The following CCZ1 variants were observed in gnomAD, a reference collection of about 807,000 sequenced individuals.
CCZ1 encodes the protein vacuolar fusion protein CCZ1 homolog.
In CCZ1, 19 loss-of-function variants were observed where a neutral mutation model predicts 57.8. That is an observed-to-expected ratio of 0.33 (90% CI 0.23 to 0.48). CCZ1 has a LOEUF of 0.48. Among genes scored for constraint, CCZ1 ranks in the 20% least tolerant of loss-of-function variants. CCZ1 has a pLI of 0.99. For synonymous variants in CCZ1, 81 were observed against 167.0 expected (o/e 0.49, Z 3.97); for missense variants, 200 against 492.0 (o/e 0.41, Z 5.61).
intron 4 of CCZ1, chr7:5,901,427 G>A: frequency 1.7e-6 from 1 of 601,450 alleles, no homozygotes; most frequent in Non-Finnish European, 2.4e-6. Flanking sequence ...AAATGTTGCA[G>A]TGAGCCAAGA....
chr7:5,907,245 C>T (rs145424689), intron 7 of CCZ1, among the ~76,000 whole-genome samples: 4,676 of 149,556 alleles, frequency 0.031, 238 homozygotes, highest in Non-Finnish European at 0.045. Flanking sequence ...GTGATATGTA[C>T]ACAATGTTAC....
At chr7:5,904,373 G>A (rs1467921982) in intron 6 of CCZ1, among the ~76,000 whole-genome samples, 7 of 145,340 alleles carry the variant, frequency 4.8e-5, no homozygotes, top group Non-Finnish European at 8.9e-5. Flanking sequence ...GGCGCGAGCC[G>A]CTGTGCCTGG....
intron 3 of CCZ1, 41 bp from the exon 4 acceptor site, chr7:5,900,814 A>C (rs772649864): frequency 2.0e-6 from 3 of 1,475,768 alleles, no homozygotes; most frequent in Non-Finnish European, 2.7e-6. Flanking sequence ...AACATGGTCT[A>C]ATGAATTCAT....
chr7:5,905,252 T>C lies in CCZ1; in HGVS notation c.681T>C (p.Tyr227=), dbSNP rs568521509. Residue 227 remains tyrosine (Y), a synonymous_variant, in exon 7 of 15, where the codon TAT becomes TAC. Coordinates refer to ENST00000325974, the MANE Select transcript of CCZ1 (RefSeq NM_015622.6). ...TAGTCAAATACACTGCTTTTCTCTATAACGATCAGCTCATCTGGTAGGTAC... is the reference window on the plus strand; with the variant it reads ...TAGTCAAATACACTGCTTTTCTCTACAACGATCAGCTCATCTGGTAGGTAC... ...LNIVKYTAFL[Y]NDQLIWSGLE... The C allele has an allele frequency of 1.1e-5, 17 of 1,533,484 alleles. 1 individual carries two copies. In the East Asian group the frequency reaches 4.1e-4, roughly 37 times the overall value. 95.0% of individuals were successfully genotyped at this position (1,533,484 alleles called of 1,614,324 possible).
intron 7 of CCZ1, among the ~76,000 whole-genome samples, chr7:5,908,094 C>T (rs1781877733): frequency 7.1e-6 from 1 of 141,390 alleles, no homozygotes; most frequent in African/African-American, 2.7e-5. Context: ...GGTGACAGAG[C>T]AAGACCCTGT....
rs750487480 is a variant in CCZ1, at chr7:5,900,889, A to C, written c.347A>C (p.Lys116Thr). 1 of 1,458,442 alleles carries C rather than the reference A, an allele frequency of 6.9e-7. No homozygotes were observed. The allele number at this position is 1,458,442 out of a possible 1,614,324, so 90.3% of individuals were successfully genotyped here. A position where few individuals can be genotyped will look rare whatever the true frequency, so the allele number is the denominator to read the frequency against. The change falls in exon 4 of 15, where the codon AAA becomes ACA. Residue 116 changes from lysine (K) to threonine (T), a missense_variant. Lys to Thr is a moderately conservative substitution (Grantham distance 78). Around this residue, in one of 5 missense-constraint regions of CCZ1, gnomAD observed 44 missense variants for 122.8 expected, o/e 0.36. Coordinates refer to ENST00000325974, the MANE Select transcript of CCZ1 (RefSeq NM_015622.6). ...AATCCTATAATTGAAAAACAGAGTA[A>C]AGATGGAAAACCAGTTATTGAATAT... Reference protein sequence around the residue: ...VRNPIIEKQSKDGKPVIEYQE... With the variant: ...VRNPIIEKQSTDGKPVIEYQE...
In CCZ1 at chr7:5,924,439, T is replaced by C. The variant is rs1463011354; in HGVS notation, c.1393+477T>C. Among the ~76,000 whole-genome samples the C allele has an allele frequency of 9.6e-5, 9 of 93,464 alleles. 1 individual carries two copies. Among genetic ancestry groups the C allele is most frequent in the African/African-American group, 3.6e-4 (9 of 24,896 alleles). 61.3% of individuals were successfully genotyped at this position (93,464 alleles called of 152,430 possible). A position where few individuals can be genotyped will look rare whatever the true frequency, so the allele number is the denominator to read the frequency against. ...TTTTTTTTTTGAAACAGAGTCTTGC[T>C]CTGTCGCACAGGCTGGGCTCAAACT... On this transcript the variant is annotated intron_variant, in intron 14 of 14. Coordinates refer to ENST00000325974, the MANE Select transcript of CCZ1 (RefSeq NM_015622.6).
In CCZ1 at chr7:5,907,778, A is replaced by G. The variant is rs374918997; in HGVS notation, c.699-2257A>G. Reference sequence around the variant, plus strand: ...TCCAGTGTGCTCGTGGGGAAAGGTCAGTCCCAGGAAGTAGCAACAAAAATA... The same window carrying G: ...TCCAGTGTGCTCGTGGGGAAAGGTCGGTCCCAGGAAGTAGCAACAAAAATA... On this transcript the variant is annotated intron_variant, in intron 7 of 14. Transcript: ENST00000325974. Among the ~76,000 whole-genome samples the G allele has an allele frequency of 1.9e-4, 21 of 108,644 alleles. 4 individuals carry two copies. The East Asian group carries it at 8.4e-3, about 43-fold the overall frequency. The allele number at this position is 108,644 out of a possible 152,430, so 71.3% of individuals were successfully genotyped here. A position where few individuals can be genotyped will look rare whatever the true frequency, so the allele number is the denominator to read the frequency against.
chr7:5,924,426 AAC>A (rs1264478609), intron 14 of CCZ1, among the ~76,000 whole-genome samples: 1 of 96,970 alleles, frequency 1.0e-5, no homozygotes, highest in Non-Finnish European at 2.3e-5. Context: ...TTTTTTTTGA[AAC>A]AGAGTCTTGC....
chr7:5,901,776 A>G lies in CCZ1; in HGVS notation c.438+72A>G, dbSNP rs1781691796. The G allele has an allele frequency of 2.0e-5, 32 of 1,565,632 alleles. 4 individuals are homozygous for G. In the South Asian group the frequency reaches 3.7e-4, roughly 18 times the overall value. ...TATCTCTAGGCTCCAGGGTTGTTTAAAGAGAAATCTGTAAATGACTGCAAA... is the reference window on the plus strand; with the variant it reads ...TATCTCTAGGCTCCAGGGTTGTTTAGAGAGAAATCTGTAAATGACTGCAAA... On this transcript the variant is annotated intron_variant, in intron 5 of 14. Coordinates refer to ENST00000325974, the MANE Select transcript of CCZ1 (RefSeq NM_015622.6).
chr7:5,900,651 C>T, intron 3 of CCZ1, 85 bp downstream of exon 3: 1 of 1,318,868 alleles, frequency 7.6e-7, no homozygotes, highest in South Asian at 1.6e-5. Context: ...GGAAAGTTCT[C>T]TGGCTGTTGC....
intron 7 of CCZ1, among the ~76,000 whole-genome samples, chr7:5,906,617 C>A (rs1050377887): frequency 6.7e-6 from 1 of 148,994 alleles, no homozygotes; most frequent in Non-Finnish European, 1.5e-5. Flanking sequence ...GCCACTGCAC[C>A]TGGCCTAGCC....
intron 8 of CCZ1, among the ~76,000 whole-genome samples, chr7:5,911,650 G>A (rs1779036955): frequency 6.7e-6 from 1 of 149,270 alleles, no homozygotes. Context: ...GGAGGCTGAG[G>A]TGGGAGGATT....
At chr7:5,902,110 A>G in intron 5 of CCZ1, 1 of 192,610 alleles carries the variant, frequency 5.2e-6, no homozygotes, top group Non-Finnish European at 1.0e-5. Context: ...TCTGGGCAAT[A>G]TAGCAAGAAC....
At chr7:5,910,467 C>T (rs1237558484) in intron 8 of CCZ1, among the ~76,000 whole-genome samples, 3 of 148,662 alleles carry the variant, frequency 2.0e-5, no homozygotes, top group Non-Finnish European at 3.0e-5. Context: ...CCTGGGATTA[C>T]AGGTGCCTGC....
rs1427674538 is a variant in CCZ1 at position 5,905,634 on chromosome 7, T to C, written c.698+365T>C. On this transcript the variant is annotated intron_variant, in intron 7 of 14. Transcript: ENST00000325974. ...CTGTCTCTACTAAAAATACAAAAAGTAGCTGGGCGTGGTGGTGCATGCCTG... is the reference window on the plus strand; with the variant it reads ...CTGTCTCTACTAAAAATACAAAAAGCAGCTGGGCGTGGTGGTGCATGCCTG... 3.5e-5 allele frequency among the ~76,000 whole-genome samples: 5 copies of C among 143,796 alleles called. No individual in the cohort carries two copies. The South Asian group carries it at 7.2e-4, about 21-fold the overall frequency. 94.3% of individuals were successfully genotyped at this position (143,796 alleles called of 152,430 possible).
intron 10 of CCZ1, 30 bp downstream of exon 10, chr7:5,912,984 G>C (rs377250078): frequency 1.3e-4 from 212 of 1,608,286 alleles, no homozygotes; most frequent in Non-Finnish European, 1.6e-4. Flanking sequence ...CAGCGTTAAT[G>C]ATTGTGCTGA....
intron 6 of CCZ1, among the ~76,000 whole-genome samples, chr7:5,903,532 T>G (rs1205267027): frequency 1.5e-5 from 1 of 65,232 alleles, no homozygotes; most frequent in Non-Finnish European, 3.0e-5. Context: ...TGAATTTTTT[T>G]GTTTCTCTGA....
intron 10 of CCZ1, among the ~76,000 whole-genome samples, chr7:5,914,123 C>A (rs1197390130): frequency 1.4e-5 from 2 of 147,544 alleles, no homozygotes; most frequent in Non-Finnish European, 3.0e-5. Context: ...AAATTAGTAT[C>A]CACTAATTAG....
Sources: allele counts gnomAD v4.1 joint callset (sites outside exome capture counted in the v4.1 genomes callset), GRCh38; gene constraint gnomAD v4.1.1; regional missense constraint gnomAD v4.1.1; transcripts MANE v1.5; gene names NCBI Gene and HGNC (gene_info 2026-07-23, HGNC 2026-07-21).